The following PTPN14 variants were observed in gnomAD, a reference collection of about 807,000 sequenced individuals.
PTPN14 encodes tyrosine-protein phosphatase non-receptor type 14.
Under a neutral mutation model 126.8 loss-of-function variants are expected in PTPN14, and 53 were observed. The observed-to-expected ratio is 0.42, with a 90% CI of 0.34 to 0.53. PTPN14 has a LOEUF of 0.53. Ranked by LOEUF, PTPN14 falls within the 20% of genes least tolerant of loss-of-function variation. The pLI is 0.08. For synonymous variants in PTPN14, 630 were observed against 599.3 expected, an observed-to-expected ratio of 1.05 and a Z score of -0.75; for missense variants, 1,257 against 1,552.9, an observed-to-expected ratio of 0.81 and a Z score of 3.20.
intron 1 of PTPN14, among the ~76,000 whole-genome samples, chr1:214,477,711 G>A (rs542637631): frequency 3.0e-4 from 45 of 152,286 alleles, no homozygotes; most frequent in African/African-American, 1.0e-3. Flanking sequence ...CTGCAACCCT[G>A]TAGGGTGTAA....
rs1324279293 is a variant in PTPN14, at chr1:214,355,839, G to C, written c.*2083C>G. On this transcript the variant is annotated 3_prime_UTR_variant, in exon 19 of 19. Coordinates refer to ENST00000366956, the MANE Select transcript of PTPN14 (RefSeq NM_005401.5). ...CACTCCATCTTTTTAGCTCACGGGGGACAAAAGCAGCAATGAAGAAAGGCA... is the reference window on the plus strand; with the variant it reads ...CACTCCATCTTTTTAGCTCACGGGGCACAAAAGCAGCAATGAAGAAAGGCA... 1 of 151,890 alleles carries C rather than the reference G, an allele frequency of 6.6e-6. No homozygotes were observed. The highest frequency in any genetic ancestry group is 1.5e-5 in the Non-Finnish European group (1 of 68,002). 9.4% of individuals were successfully genotyped at this position (151,890 alleles called of 1,614,324 possible).
intron 13 of PTPN14, among the ~76,000 whole-genome samples, chr1:214,380,625 C>T (rs1265596946): frequency 6.6e-6 from 1 of 152,204 alleles, no homozygotes; most frequent in Non-Finnish European, 1.5e-5. Flanking sequence ...TCTCACCATA[C>T]CTGCACACCC....
chr1:214,368,350 C>T (rs1471970889), intron 17 of PTPN14, among the ~76,000 whole-genome samples: 3 of 151,892 alleles, frequency 2.0e-5, no homozygotes, highest in African/African-American at 4.8e-5. Context: ...TACAGACATG[C>T]GCCACCACAC....
intron 1 of PTPN14, among the ~76,000 whole-genome samples, chr1:214,544,012 T>C (rs1186057524): frequency 6.6e-6 from 1 of 152,162 alleles, no homozygotes; most frequent in Non-Finnish European, 1.5e-5. Flanking sequence ...CCACCTAAGA[T>C]GAACTGAATA....
rs1313567063 is a variant in PTPN14, at chr1:214,413,936, T to G, written c.442+693A>C. On this transcript the variant is annotated intron_variant, in intron 4 of 18. Coordinates refer to ENST00000366956, the MANE Select transcript of PTPN14 (RefSeq NM_005401.5). The stretch of plus-strand genomic sequence containing the variant: ...CACCTGCCTCGACCTCCCAAAGTGC[T>G]GGGATTACAGGCATGAGCCACCGCG... Among the ~76,000 whole-genome samples, 3 of 152,330 alleles carry G rather than the reference T, an allele frequency of 2.0e-5. No homozygotes were observed. In the East Asian group the frequency reaches 5.8e-4, roughly 29 times the overall value.
intron 1 of PTPN14, among the ~76,000 whole-genome samples, chr1:214,502,434 C>T (rs1654729159): frequency 6.6e-6 from 1 of 152,200 alleles, no homozygotes; most frequent in Non-Finnish European, 1.5e-5. Flanking sequence ...TACAATACAG[C>T]TCAGAGTGGT....
chr1:214,449,005 A>ATTTTTTTTTTTTTT (rs1229828407), intron 3 of PTPN14, among the ~76,000 whole-genome samples: 26 of 97,668 alleles, frequency 2.7e-4, no homozygotes, highest in African/African-American at 6.7e-4. Flanking sequence ...GTAAGACTTA[A>ATTTTTTTTTTTTTT]TTTTTCTTTT....
Position 214,372,723 on chromosome 1 carries a change from G to A in PTPN14, c.3024C>T (p.Val1008=). The change falls in exon 16 of 19, where the codon GTC becomes GTT. Residue 1008 remains valine, a synonymous_variant. Coordinates refer to ENST00000366956, the MANE Select transcript of PTPN14 (RefSeq NM_005401.5). ...WEQGVNVIAM[V]TAEEEGGRTK... is the part of the protein sequence containing the mutation. ...CCATTCCCCTTACCTCCTCTGCAGT[G>A]ACCATGGCAATCACATTCACTCCCT... 2 of 1,614,094 alleles carry A rather than the reference G, an allele frequency of 1.2e-6. No individual in the cohort carries two copies. Among genetic ancestry groups the A allele is most frequent in the Non-Finnish European group, 1.7e-6 (2 of 1,180,026 alleles).
intron 1 of PTPN14, among the ~76,000 whole-genome samples, chr1:214,494,579 T>C (rs1013780615): frequency 1.1e-4 from 16 of 152,354 alleles, no homozygotes; most frequent in African/African-American, 3.6e-4. Context: ...TTGTGGTGCA[T>C]TGTTATTGTG....
intron 3 of PTPN14, among the ~76,000 whole-genome samples, chr1:214,428,658 G>A (rs538347085): frequency 4.5e-4 from 68 of 152,268 alleles, no homozygotes; most frequent in African/African-American, 1.6e-3. Flanking sequence ...TCCAGATTAA[G>A]AATGGCAAAG....
intron 2 of PTPN14, among the ~76,000 whole-genome samples, chr1:214,462,101 T>C (rs77153793): frequency 6.6e-6 from 1 of 152,146 alleles, no homozygotes; most frequent in African/African-American, 2.4e-5. Flanking sequence ...TTATCTGTCA[T>C]GGAAGGAAAG....
chr1:214,517,726 C>T (rs1655145046), intron 1 of PTPN14, among the ~76,000 whole-genome samples: 1 of 152,058 alleles, frequency 6.6e-6, no homozygotes, highest in Admixed American at 6.6e-5. Context: ...AGGTGGATTG[C>T]TTGAGCTCAG....
intron 3 of PTPN14, among the ~76,000 whole-genome samples, chr1:214,428,813 C>T (rs1437699675): frequency 6.6e-6 from 1 of 152,202 alleles, no homozygotes; most frequent in East Asian, 1.9e-4. Flanking sequence ...GCCCTATTAT[C>T]AAACCACTAC....
intron 8 of PTPN14, among the ~76,000 whole-genome samples, chr1:214,395,245 C>A (rs1358284870): frequency 6.6e-6 from 1 of 152,154 alleles, no homozygotes; most frequent in East Asian, 1.9e-4. Context: ...TGAGGAAAAT[C>A]TGCAAGGGAC....
rs983685786 is a variant in PTPN14 at position 214,354,925 on chromosome 1, G to A, written c.*2997C>T. ...CACTTTGCTTCAAGGTTTATTCCTTGGCTTGCTTCCCAGATATAAAGCATC... is the reference window on the plus strand; with the variant it reads ...CACTTTGCTTCAAGGTTTATTCCTTAGCTTGCTTCCCAGATATAAAGCATC... On this transcript the variant is annotated 3_prime_UTR_variant, in exon 19 of 19. Coordinates refer to ENST00000366956, the MANE Select transcript of PTPN14 (RefSeq NM_005401.5). The A allele has an allele frequency of 6.6e-6, 1 of 152,102 alleles. No individual in the cohort carries two copies. The highest frequency in any genetic ancestry group is 1.5e-5 in the Non-Finnish European group (1 of 68,028). The allele number at this position is 152,102 out of a possible 1,614,324, so 9.4% of individuals were successfully genotyped here.
chr1:214,449,208 G>A (rs80323723), intron 3 of PTPN14, among the ~76,000 whole-genome samples: 2 of 150,922 alleles, frequency 1.3e-5, no homozygotes, highest in South Asian at 4.2e-4. Flanking sequence ...GGGTTTCACG[G>A]TGTTAGCCAG....
intron 2 of PTPN14, among the ~76,000 whole-genome samples, chr1:214,460,368 C>A (rs912789982): frequency 6.6e-6 from 1 of 151,906 alleles, no homozygotes; most frequent in Admixed American, 6.6e-5. Context: ...CTCCTTTACC[C>A]TCCTTCCCTT....
rs972734319 is a variant in PTPN14 at position 214,364,876 on chromosome 1, G to C, written c.3272-201C>G. 1.3e-5 allele frequency among the ~76,000 whole-genome samples: 2 copies of C among 151,630 alleles called. No homozygotes were observed. The highest frequency in any genetic ancestry group is 4.9e-5 in the African/African-American group (2 of 41,218). ...TGGCTGGTACCCAATGTACAGTCCT[G>C]GATCCAGACAGGACCAGCTGGGAGT... On this transcript the variant is annotated intron_variant, in intron 17 of 18. Coordinates refer to ENST00000366956, the MANE Select transcript of PTPN14 (RefSeq NM_005401.5). The surrounding 1 kb of genome is among the most constrained non-coding windows in gnomAD (Gnocchi z 4.1).
intron 1 of PTPN14, among the ~76,000 whole-genome samples, chr1:214,467,960 C>T (rs766807153): frequency 1.8e-4 from 27 of 151,408 alleles, no homozygotes; most frequent in Non-Finnish European, 3.1e-4. Context: ...AGGGGGAGGC[C>T]GTACAGGCTG....
Sources: gnomAD v4.1 joint callset for allele counts (sites outside exome capture counted in the v4.1 genomes callset) on GRCh38, gnomAD v4.1.1 for gene constraint, Gnocchi (gnomAD v3.1) non-coding constraint, MANE v1.5 for transcripts, NCBI Gene and HGNC (gene_info 2026-07-23, HGNC 2026-07-21) for gene names.